The following ZFYVE9 variants were observed in gnomAD, a reference collection of about 807,000 sequenced individuals.
ZFYVE9 encodes the protein zinc finger FYVE-type containing 9.
ZFYVE9 carries 43 observed loss-of-function variants against 126.7 expected under a neutral mutation model. The ratio of observed to expected loss-of-function variants is 0.34; its 90% CI spans 0.27 to 0.44. The LOEUF is 0.44. Among genes scored for constraint, ZFYVE9 ranks in the 20% least tolerant of loss-of-function variants. The pLI, the probability that ZFYVE9 is intolerant of heterozygous loss-of-function variation, is 1.00. For synonymous variants in ZFYVE9, 521 were observed against 597.4 expected (o/e 0.87, Z 1.87); for missense variants, 1,476 against 1,697.0 (o/e 0.87, Z 2.29).
intron 1 of ZFYVE9, among the ~76,000 whole-genome samples, chr1:52,202,231 A>C (rs1311191465): frequency 6.6e-6 from 1 of 151,864 alleles, no homozygotes; most frequent in Non-Finnish European, 1.5e-5. Flanking sequence ...CTTAGGATAA[A>C]TTAGTTGTAA....
At chr1:52,304,889 C>T (rs1213540386) in intron 13 of ZFYVE9, among the ~76,000 whole-genome samples, 1 of 151,846 alleles carries the variant, frequency 6.6e-6, no homozygotes, top group African/African-American at 2.4e-5. Flanking sequence ...TTAGATAATC[C>T]TGCCTTGGAG....
intron 3 of ZFYVE9, among the ~76,000 whole-genome samples, chr1:52,236,876 C>T (rs1645277676): frequency 6.6e-6 from 1 of 152,202 alleles, no homozygotes; most frequent in Non-Finnish European, 1.5e-5. Flanking sequence ...CCAGCTTTCA[C>T]AGCATTTCAT....
Position 52,238,782 on chromosome 1 carries a change from T to C in ZFYVE9, c.1365T>C (p.Ser455=), listed in dbSNP as rs1403630628. ...TAGATTTAAAAGGAACTTGCATTAG[T>C]GAAAGTGAAGAATGTGATTTCTCCA... is the stretch of plus-strand genomic sequence containing the variant. ...AGLDLKGTCI[S]ESEECDFSTV... is the part of the protein sequence containing the mutation. The change falls in exon 4 of 19, where the codon AGT becomes AGC. Residue 455 remains serine (S), a synonymous_variant. Transcript: ENST00000287727. 6.2e-7 allele frequency: 1 copy of C among 1,613,998 alleles called. No homozygotes were observed. Among genetic ancestry groups the C allele is most frequent in the African/African-American group, 1.3e-5 (1 of 74,936 alleles).
intron 9 of ZFYVE9, among the ~76,000 whole-genome samples, chr1:52,281,352 C>T (rs962102057): frequency 6.6e-6 from 1 of 152,134 alleles, no homozygotes; most frequent in East Asian, 1.9e-4. Flanking sequence ...CCAGGATGGT[C>T]TTGATCTCCT....
Position 52,264,939 on chromosome 1 carries a change from A to G in ZFYVE9, c.2278+1067A>G, listed in dbSNP as rs888734438. On this transcript the variant is annotated intron_variant, in intron 5 of 18. Transcript: ENST00000287727. ...AGTGGTTATTTCACTTGGTTGCTCA[A>G]TTGATGATTTTTATTCTGCTGCTTT... Among the ~76,000 whole-genome samples the G allele has an allele frequency of 2.6e-5, 4 of 152,164 alleles. No individual in the cohort carries two copies. The South Asian group carries it at 6.2e-4, about 24-fold the overall frequency.
intron 1 of ZFYVE9, among the ~76,000 whole-genome samples, chr1:52,200,040 A>G (rs184374407): frequency 0.032 from 3,201 of 101,342 alleles, 47 homozygotes; most frequent in Non-Finnish European, 0.048. Context: ...TTTTTTTTTT[A>G]TTATTGTTTT....
At chr1:52,179,777 A>T in intron 1 of ZFYVE9, 1 of 475,948 alleles carries the variant, frequency 2.1e-6, no homozygotes, top group Non-Finnish European at 3.9e-6. Flanking sequence ...GTTCCTGTGG[A>T]TAGGCTAAAT....
chr1:52,232,518 C>T (rs1645232796), intron 2 of ZFYVE9, among the ~76,000 whole-genome samples: 1 of 151,980 alleles, frequency 6.6e-6, no homozygotes, highest in South Asian at 2.1e-4. Flanking sequence ...CACTTGAGGT[C>T]AGGAGTTTGA....
At chr1:52,281,525 C>A in intron 9 of ZFYVE9, 136 bp from the exon 10 acceptor site, 1 of 990,648 alleles carries the variant, frequency 1.0e-6, no homozygotes, top group Admixed American at 3.0e-5. Context: ...AGTGACAGTT[C>A]ACAGTTGAAT....
intron 1 of ZFYVE9, among the ~76,000 whole-genome samples, chr1:52,175,624 C>T (rs950034123): frequency 9.9e-5 from 15 of 152,056 alleles, no homozygotes; most frequent in Admixed American, 2.6e-4. Context: ...CCATTCTCCC[C>T]GTCACTTTCA....
intron 4 of ZFYVE9, chr1:52,253,913 T>C (rs753395170): frequency 3.5e-5 from 36 of 1,037,710 alleles, no homozygotes; most frequent in Non-Finnish European, 5.0e-5. Flanking sequence ...TCAGCCAAAG[T>C]AGGAAATAAT....
intron 4 of ZFYVE9, chr1:52,252,011 G>A (rs2124648411): frequency 6.4e-6 from 1 of 155,274 alleles, no homozygotes; most frequent in African/African-American, 2.5e-5. Flanking sequence ...ACAAAAAATT[G>A]GTACTCATAT....
chr1:52,317,138 T>G (rs1223547443), intron 13 of ZFYVE9, among the ~76,000 whole-genome samples: 1 of 152,168 alleles, frequency 6.6e-6, no homozygotes, highest in Non-Finnish European at 1.5e-5. Flanking sequence ...TATTTTGAAC[T>G]GCTTGAAAAT....
chr1:52,303,034 C>CTGGAGGCGGA (rs1553134167), intron 12 of ZFYVE9, among the ~76,000 whole-genome samples: 2 of 151,948 alleles, frequency 1.3e-5, no homozygotes, highest in African/African-American at 4.8e-5. Flanking sequence ...CGCTTGAACC[C>CTGGAGGCGGA]TGGAGGCGGA....
intron 8 of ZFYVE9, among the ~76,000 whole-genome samples, chr1:52,275,473 C>G (rs1036768627): frequency 1.3e-5 from 2 of 152,180 alleles, no homozygotes; most frequent in African/African-American, 4.8e-5. Context: ...AAACTGCTTT[C>G]CACAGTGGCT....
chr1:52,239,644 G>A lies in ZFYVE9; in HGVS notation c.2178+49G>A, dbSNP rs1420700457. On this transcript the variant is annotated intron_variant, in intron 4 of 18. Coordinates refer to ENST00000287727, the MANE Select transcript of ZFYVE9 (RefSeq NM_004799.4). ...AAATCGGGCATGCACATTTTGTAAT[G>A]CTGAATTAAATAGTAATAAAGGCAA... is the stretch of plus-strand genomic sequence containing the variant. 3.2e-6 allele frequency: 5 copies of A among 1,559,140 alleles called. 1 individual carries two copies. The African/African-American group carries it at 4.1e-5, about 13-fold the overall frequency.
chr1:52,237,359 C>A (rs1440756911), intron 3 of ZFYVE9, 129 bp from the exon 4 acceptor site: 2 of 825,996 alleles, frequency 2.4e-6, no homozygotes, highest in Non-Finnish European at 3.6e-6. Context: ...TATTTTTTAG[C>A]CCCGAATTAG....
chr1:52,259,269 T>A (rs1645554221), intron 4 of ZFYVE9, among the ~76,000 whole-genome samples: 1 of 152,120 alleles, frequency 6.6e-6, no homozygotes, highest in South Asian at 2.1e-4. Context: ...CCCTAATCAC[T>A]TCATTTTGAT....
intron 4 of ZFYVE9, among the ~76,000 whole-genome samples, chr1:52,245,415 TGAG>T (rs1182870754): frequency 1.3e-5 from 2 of 152,106 alleles, no homozygotes; most frequent in African/African-American, 2.4e-5. Context: ...GTGGTGGTTG[TGAG>T]GAGAATGAGA....
Sources: gnomAD v4.1 joint callset for allele counts (sites outside exome capture counted in the v4.1 genomes callset) on GRCh38, gnomAD v4.1.1 for gene constraint, MANE v1.5 for transcripts, NCBI Gene and HGNC (gene_info 2026-07-23, HGNC 2026-07-21) for gene names.